Variants in KIF6 observed in about 807,000 individuals in gnomAD.
KIF6 encodes kinesin family member 6.
A neutral mutation model predicts 112.7 loss-of-function variants in KIF6; 106 were observed. The observed-to-expected ratio is 0.94, with a 90% CI of 0.80 to 1.11. The LOEUF is 1.11. Among genes scored for constraint, KIF6 ranks in the 50% least tolerant of loss-of-function variants. The pLI, the probability that KIF6 is intolerant of heterozygous loss-of-function variation, is 0.00. For synonymous variants in KIF6, 339 were observed against 339.9 expected (o/e 1.00, Z 0.03); for missense variants, 929 against 964.0 (o/e 0.96, Z 0.48).
intron 3 of KIF6, among the ~76,000 whole-genome samples, chr6:39,652,514 T>G (rs1421441345): frequency 7.2e-6 from 1 of 139,756 alleles, no homozygotes; most frequent in African/African-American, 2.9e-5. Flanking sequence ...GCAACAGGAG[T>G]GAAACTCCAT....
chr6:39,525,900 C>T (rs531276916), intron 13 of KIF6, among the ~76,000 whole-genome samples: 2 of 152,190 alleles, frequency 1.3e-5, no homozygotes, highest in East Asian at 3.9e-4. Flanking sequence ...CATGTGATTC[C>T]CCCTACAACT....
At chr6:39,401,872 C>T (rs1485530298) in intron 15 of KIF6, among the ~76,000 whole-genome samples, 1 of 152,062 alleles carries the variant, frequency 6.6e-6, no homozygotes, top group African/African-American at 2.4e-5. Flanking sequence ...TACAAACAAA[C>T]CTAATTCTTT....
chr6:39,693,959 G>A (rs1788375608), intron 3 of KIF6, among the ~76,000 whole-genome samples: 1 of 152,100 alleles, frequency 6.6e-6, no homozygotes, highest in Non-Finnish European at 1.5e-5. Flanking sequence ...ACATCTAAAA[G>A]TTAATTCACC....
intron 16 of KIF6, among the ~76,000 whole-genome samples, chr6:39,372,367 G>T (rs1010349073): frequency 2.0e-5 from 3 of 152,108 alleles, no homozygotes; most frequent in Non-Finnish European, 2.9e-5. Context: ...ATTACAATGC[G>T]CCTGGAGAAG....
Position 39,346,498 on chromosome 6 carries a change from CT to C in KIF6, c.2208del (p.Gly737AlafsTer10). ...CACCAGACATCGAATCTGCCAGTGC[CT>C]TGATCTTGGACTTCCCAGCCTCCAG... ...KSSGGWEVQD[Q>X]GTGRFDVCDV... On this transcript the variant is annotated frameshift_variant, in exon 20 of 23. Transcript: ENST00000287152. LOFTEE classifies it high-confidence loss of function. 1.4e-6 allele frequency: 1 copy of C among 715,126 alleles called. No individual in the cohort carries two copies. 44.3% of individuals were successfully genotyped at this position (715,126 alleles called of 1,614,324 possible). A position where few individuals can be genotyped will look rare whatever the true frequency, so the allele number is the denominator to read the frequency against.
At chr6:39,595,742 A>ATTATTATGTAATG (rs1782215432) in intron 7 of KIF6, among the ~76,000 whole-genome samples, 1 of 152,212 alleles carries the variant, frequency 6.6e-6, no homozygotes, top group Non-Finnish European at 1.5e-5. Flanking sequence ...TACACGAGGC[A>ATTATTATGTAATG]CCTGAAATAG....
chr6:39,679,263 G>A (rs941890529), intron 3 of KIF6, among the ~76,000 whole-genome samples: 10 of 152,166 alleles, frequency 6.6e-5, no homozygotes, highest in Non-Finnish European at 1.3e-4. Context: ...CCAAATTTAT[G>A]ATATCTCAGT....
intron 13 of KIF6, among the ~76,000 whole-genome samples, chr6:39,471,761 T>C (rs1199609595): frequency 3.9e-5 from 6 of 152,206 alleles, no homozygotes; most frequent in Non-Finnish European, 8.8e-5. Flanking sequence ...TTTTTACATA[T>C]GTACCTTGGT....
chr6:39,462,987 ATATT>A (rs1363987720), intron 13 of KIF6, among the ~76,000 whole-genome samples: 1 of 151,966 alleles, frequency 6.6e-6, no homozygotes, highest in Non-Finnish European at 1.5e-5. Flanking sequence ...AAGAGTTCCT[ATATT>A]AACACGTCAA....
intron 10 of KIF6, among the ~76,000 whole-genome samples, chr6:39,555,518 G>A (rs1398432735): frequency 6.6e-6 from 1 of 152,146 alleles, no homozygotes; most frequent in Non-Finnish European, 1.5e-5. Context: ...CTAACAGAAT[G>A]GAACAGAGGT....
rs116452521 is a variant in KIF6, at chr6:39,645,323, C to T, written c.252-5566G>A. 9.6e-3 allele frequency among the ~76,000 whole-genome samples: 1,464 copies of T among 152,158 alleles called. 8 individuals are homozygous for T. The highest frequency in any genetic ancestry group is 0.016 in the Non-Finnish European group (1,059 of 67,988). On this transcript the variant is annotated intron_variant, in intron 3 of 22. Coordinates refer to ENST00000287152, the MANE Select transcript of KIF6 (RefSeq NM_145027.6). ...ACTCCAGACACAACACATTTACATG[C>T]TAGAAAAAAATACAAGTCATTTTAA...
Position 39,360,379 on chromosome 6 carries a change from G to A in KIF6, c.2082+16C>T. 6.2e-7 allele frequency: 1 copy of A among 1,613,738 alleles called. No individual in the cohort carries two copies. The highest frequency in any genetic ancestry group is 1.1e-5 in the South Asian group (1 of 91,028). On this transcript the variant is annotated intron_variant, in intron 18 of 22. Transcript: ENST00000287152. ...CTGGCCCCTCCCCAGCTTCCCTGAT[G>A]TTCCCCAGGCCATACCTGCAGGTTG...
rs1270472564 is a variant in KIF6 at position 39,606,487 on chromosome 6, C to G, written c.639+6702G>C. ...TAATTTTATCTTTGAACATGACTAT[C>G]CCTTTCCTAAAGAGTAGCCTAGAGG... is the stretch of plus-strand genomic sequence containing the variant. On this transcript the variant is annotated intron_variant, in intron 6 of 22. Coordinates refer to ENST00000287152, the MANE Select transcript of KIF6 (RefSeq NM_145027.6). Among the ~76,000 whole-genome samples the G allele has an allele frequency of 2.0e-5, 3 of 152,206 alleles. No individual in the cohort carries two copies. The South Asian group carries it at 6.2e-4, about 32-fold the overall frequency.
At chr6:39,439,071 G>C (rs1771746766) in intron 13 of KIF6, among the ~76,000 whole-genome samples, 1 of 152,152 alleles carries the variant, frequency 6.6e-6, no homozygotes, top group Non-Finnish European at 1.5e-5. Flanking sequence ...TACACACTAT[G>C]ATGTTCACAA....
intron 1 of KIF6, among the ~76,000 whole-genome samples, chr6:39,724,407 C>A (rs1043396535): frequency 7.1e-6 from 1 of 140,170 alleles, no homozygotes; most frequent in African/African-American, 2.7e-5. Context: ...GAGCCGAGAT[C>A]GCGCCACTGC....
intron 3 of KIF6, among the ~76,000 whole-genome samples, chr6:39,677,922 C>T (rs1294754002): frequency 6.9e-6 from 1 of 144,438 alleles, no homozygotes; most frequent in African/African-American, 2.6e-5. Flanking sequence ...TTTCTTAATC[C>T]AGTCTATCAT....
At chr6:39,464,794 A>G (rs1208001380) in intron 13 of KIF6, among the ~76,000 whole-genome samples, 1 of 152,182 alleles carries the variant, frequency 6.6e-6, no homozygotes, top group Non-Finnish European at 1.5e-5. Flanking sequence ...TTGACTTACT[A>G]TAGTGATATA....
chr6:39,547,815 A>T (rs1779144985), intron 10 of KIF6, among the ~76,000 whole-genome samples: 1 of 152,202 alleles, frequency 6.6e-6, no homozygotes, highest in African/African-American at 2.4e-5. Context: ...TGGCTATATA[A>T]TATTCCATAC....
At chr6:39,591,567 T>C (rs1428449129) in intron 7 of KIF6, among the ~76,000 whole-genome samples, 1 of 152,144 alleles carries the variant, frequency 6.6e-6, no homozygotes, top group African/African-American at 2.4e-5. Context: ...ATCTTCATCA[T>C]ATAAACACAG....
Sources: allele counts gnomAD v4.1 joint callset (sites outside exome capture counted in the v4.1 genomes callset), GRCh38; gene constraint gnomAD v4.1.1; transcripts MANE v1.5; gene names NCBI Gene and HGNC (gene_info 2026-07-23, HGNC 2026-07-21).